Variants in SYNJ1 observed in about 807,000 individuals in gnomAD.
The protein encoded by SYNJ1 is synaptojanin 1, also known as polyphosphatidylinositol phosphatase SYNJ1.
SYNJ1 carries 78 observed loss-of-function variants against 168.2 expected under a neutral mutation model. The ratio of observed to expected loss-of-function variants is 0.46; its 90% CI spans 0.39 to 0.56. The LOEUF is 0.56. Ranked by LOEUF, SYNJ1 falls within the 20% of genes least tolerant of loss-of-function variation. SYNJ1 has a pLI of 0.00. For synonymous variants in SYNJ1, 539 were observed against 548.6 expected, an observed-to-expected ratio of 0.98 and a Z score of 0.24; for missense variants, 1,303 against 1,597.6, an observed-to-expected ratio of 0.82 and a Z score of 3.14.
At chr21:32,700,133 G>GA in intron 3 of SYNJ1, 28 bp from the exon 4 acceptor site, 2 of 1,561,890 alleles carry the variant, frequency 1.3e-6, no homozygotes, top group Non-Finnish European at 1.7e-6. Flanking sequence ...TTTACTGGAT[G>GA]AAAAATCCCA....
chr21:32,718,339 A>T (rs989639365), intron 2 of SYNJ1, among the ~76,000 whole-genome samples: 1 of 152,210 alleles, frequency 6.6e-6, no homozygotes, highest in African/African-American at 2.4e-5. Flanking sequence ...AACCCAGAAT[A>T]AAAAAGTTTG....
intron 29 of SYNJ1, among the ~76,000 whole-genome samples, chr21:32,640,516 C>T (rs905597668): frequency 3.9e-5 from 6 of 151,962 alleles, no homozygotes; most frequent in Non-Finnish European, 7.4e-5. Context: ...AGGATGGTCT[C>T]GATCTCCTGA....
intron 1 of SYNJ1, 108 bp from the exon 2 acceptor site, chr21:32,727,025 G>C (rs1310773689): frequency 1.9e-5 from 28 of 1,464,034 alleles, no homozygotes; most frequent in South Asian, 2.7e-5. Context: ...TGGGGGGTTG[G>C]GGTGGGAAAA....
At chr21:32,694,430 A>C in intron 5 of SYNJ1, 119 bp from the exon 6 acceptor site, 41 of 727,438 alleles carry the variant, frequency 5.6e-5, no homozygotes, top group Admixed American at 8.3e-5. Context: ...TCTAACTCTC[A>C]TATACAATTG....
chr21:32,689,446 G>A (rs371049602), intron 6 of SYNJ1, among the ~76,000 whole-genome samples: 43 of 152,126 alleles, frequency 2.8e-4, no homozygotes, highest in African/African-American at 8.9e-4. Flanking sequence ...ACAGGCGCCC[G>A]CCACCACGCC....
At chr21:32,672,059 C>CAAAAAAAAAAAAAAAA (rs1160074724) in intron 14 of SYNJ1, among the ~76,000 whole-genome samples, 7 of 24,668 alleles carry the variant, frequency 2.8e-4, no homozygotes, top group Admixed American at 4.5e-4. Context: ...AACTCAATCT[C>CAAAAAAAAAAAAAAAA]AAAAAAAAAA....
intron 13 of SYNJ1, among the ~76,000 whole-genome samples, chr21:32,674,078 G>C (rs2041309148): frequency 6.6e-6 from 1 of 152,162 alleles, no homozygotes; most frequent in South Asian, 2.1e-4. Flanking sequence ...ACTACTAAAT[G>C]CTTCCCATCT....
chr21:32,633,254 T>C (rs1466805531), intron 32 of SYNJ1, among the ~76,000 whole-genome samples: 1 of 152,164 alleles, frequency 6.6e-6, no homozygotes, highest in Non-Finnish European at 1.5e-5. Context: ...TGTGAACTGT[T>C]ATCAGTAGGA....
At chr21:32,668,321 G>A (rs2041035721) in intron 15 of SYNJ1, among the ~76,000 whole-genome samples, 1 of 152,058 alleles carries the variant, frequency 6.6e-6, no homozygotes, top group South Asian at 2.1e-4. Flanking sequence ...ACCTGCCTTG[G>A]CCTCCCAAAG....
chr21:32,675,389 AAAAAT>A (rs1184154773), intron 13 of SYNJ1, among the ~76,000 whole-genome samples: 2 of 152,186 alleles, frequency 1.3e-5, no homozygotes, highest in East Asian at 1.9e-4. Context: ...AGAGAGTCAA[AAAAAT>A]AAAATAAAAT....
intron 11 of SYNJ1, among the ~76,000 whole-genome samples, chr21:32,679,186 G>A (rs1450357793): frequency 6.6e-6 from 1 of 152,114 alleles, no homozygotes; most frequent in Admixed American, 6.6e-5. Flanking sequence ...AAGGAGAAAT[G>A]GGAGATAAAA....
At chr21:32,683,710 C>A (rs932988602) in intron 10 of SYNJ1, among the ~76,000 whole-genome samples, 7 of 152,020 alleles carry the variant, frequency 4.6e-5, no homozygotes, top group African/African-American at 1.7e-4. Flanking sequence ...AGGCCAAATA[C>A]ACACATACAC....
At chr21:32,704,171 A>G (rs1479740564) in intron 2 of SYNJ1, among the ~76,000 whole-genome samples, 1 of 152,198 alleles carries the variant, frequency 6.6e-6, no homozygotes, top group Non-Finnish European at 1.5e-5. Context: ...GTCTCTCAGG[A>G]CTGATGAAGG....
chr21:32,714,240 T>A (rs1452172175), intron 2 of SYNJ1, among the ~76,000 whole-genome samples: 1 of 151,986 alleles, frequency 6.6e-6, no homozygotes, highest in Non-Finnish European at 1.5e-5. Flanking sequence ...AGAGGTAAAG[T>A]GGTAACAGGT....
chr21:32,727,897 C>T lies in SYNJ1; in HGVS notation c.-23+49G>A, dbSNP rs1258301982. 4 of 1,529,354 alleles carry T rather than the reference C, an allele frequency of 2.6e-6. No individual in the cohort carries two copies. The East Asian group carries it at 9.9e-5, about 38-fold the overall frequency. 94.7% of individuals were successfully genotyped at this position (1,529,354 alleles called of 1,614,324 possible). A position where few individuals can be genotyped will look rare whatever the true frequency, so the allele number is the denominator to read the frequency against. ...TTGGAGGCGTCCGCCCGCCCGGCTG[C>T]CCGTGGGTCTGGCCGCAGCAGCTCC... On this transcript the variant is annotated intron_variant, in intron 1 of 32. Coordinates refer to ENST00000674351, the MANE Select transcript of SYNJ1 (RefSeq NM_203446.3).
chr21:32,633,519 G>A (rs905902893), intron 32 of SYNJ1, among the ~76,000 whole-genome samples: 5 of 152,134 alleles, frequency 3.3e-5, no homozygotes, highest in African/African-American at 1.2e-4. Context: ...AAACTTCAGG[G>A]TTGGATACGA....
downstream of SYNJ1, chr21:32,628,762 G>C (rs1443218612): frequency 6.6e-6 from 1 of 152,630 alleles, no homozygotes; most frequent in Non-Finnish European, 1.5e-5. Context: ...AAGTCAGCAT[G>C]GTAAAGACAG....
chr21:32,628,959 A>C lies in SYNJ1; in HGVS notation c.*2846T>G, dbSNP rs1463170754. ...ACACAGAGTTCACAAAGAGATCCTTAGTGTCTAACTTCTGCTCTGCTTTTA... is the reference window on the plus strand; with the variant it reads ...ACACAGAGTTCACAAAGAGATCCTTCGTGTCTAACTTCTGCTCTGCTTTTA... On this transcript the variant is annotated 3_prime_UTR_variant, in exon 33 of 33. Coordinates refer to ENST00000674351, the MANE Select transcript of SYNJ1 (RefSeq NM_203446.3). The C allele has an allele frequency of 6.6e-6, 1 of 152,668 alleles. No individual in the cohort carries two copies. Among genetic ancestry groups the C allele is most frequent in the Non-Finnish European group, 1.5e-5 (1 of 68,034 alleles). 9.5% of individuals were successfully genotyped at this position (152,668 alleles called of 1,614,324 possible).
intron 15 of SYNJ1, among the ~76,000 whole-genome samples, chr21:32,669,308 C>T (rs1569069769): frequency 6.6e-6 from 1 of 151,976 alleles, no homozygotes; most frequent in African/African-American, 2.4e-5. Context: ...GAAAAACAAC[C>T]AAGAGCATTT....
Sources: gnomAD v4.1 joint callset for allele counts (sites outside exome capture counted in the v4.1 genomes callset) on GRCh38, gnomAD v4.1.1 for gene constraint, MANE v1.5 for transcripts, NCBI Gene and HGNC (gene_info 2026-07-23, HGNC 2026-07-21) for gene names.